MAP3K9: variants seen among roughly 807,000 people sequenced by gnomAD.
The protein encoded by MAP3K9 is mitogen-activated protein kinase kinase kinase 9, also known as mixed lineage kinase 1 (tyr and ser/thr specificity).
A neutral mutation model predicts 95.8 loss-of-function variants in MAP3K9; 46 were observed. That is an observed-to-expected ratio of 0.48 (90% CI 0.38 to 0.61). The LOEUF (loss-of-function observed/expected upper bound fraction) is 0.61, where lower values mean the gene tolerates loss of function less well. Ranked by LOEUF, MAP3K9 falls within the 20% of genes least tolerant of loss-of-function variation. MAP3K9 has a pLI of 0.00. For missense variants in MAP3K9, 1,296 were observed against 1,474.3 expected, an observed-to-expected ratio of 0.88 and a Z score of 1.98; for synonymous variants, 533 against 593.8, an observed-to-expected ratio of 0.90 and a Z score of 1.49.
At chr14:70,778,410 G>A (rs921125794) in intron 2 of MAP3K9, among the ~76,000 whole-genome samples, 2 of 151,994 alleles carry the variant, frequency 1.3e-5, no homozygotes, top group Non-Finnish European at 2.9e-5. Context: ...TGAGTAGCTG[G>A]GATTACAGGT....
chr14:70,767,383 CAAAAAAAA>C (rs67534847), intron 2 of MAP3K9, among the ~76,000 whole-genome samples: 7 of 65,332 alleles, frequency 1.1e-4, no homozygotes, highest in East Asian at 4.5e-4. Flanking sequence ...CACTCAGTCT[CAAAAAAAA>C]AAAAAAAAAA....
At chr14:70,770,103 C>T (rs775601081) in intron 2 of MAP3K9, among the ~76,000 whole-genome samples, 4 of 152,178 alleles carry the variant, frequency 2.6e-5, no homozygotes, top group Non-Finnish European at 5.9e-5. Context: ...CCTGGAAACA[C>T]AGGGCAGGTA....
intron 2 of MAP3K9, among the ~76,000 whole-genome samples, chr14:70,773,342 T>C (rs2054555057): frequency 6.6e-6 from 1 of 152,026 alleles, no homozygotes; most frequent in Admixed American, 6.6e-5. Context: ...AGAAAACAAA[T>C]TGAAAACACA....
At chr14:70,790,293 C>T (rs1233242520) in intron 2 of MAP3K9, among the ~76,000 whole-genome samples, 1 of 152,228 alleles carries the variant, frequency 6.6e-6, no homozygotes, top group Non-Finnish European at 1.5e-5. Context: ...AAGTGGGGAA[C>T]CTGAGCACAT....
rs145226088 is a variant in MAP3K9 at position 70,742,498 on chromosome 14, C to T, written c.1420G>A (p.Glu474Lys). 9 of 1,614,220 alleles carry T rather than the reference C, an allele frequency of 5.6e-6. No individual in the cohort carries two copies. Among genetic ancestry groups the T allele is most frequent in the East Asian group, 4.5e-5 (2 of 44,892 alleles). The change falls in exon 6 of 12, where the codon GAG (glutamate) becomes AAG (lysine). Residue 474 changes from glutamate (E) to lysine (K), a missense_variant. Physicochemically the swap from Glu to Lys is moderately conservative, Grantham distance 56. Coordinates refer to ENST00000554752, the MANE Select transcript of MAP3K9 (RefSeq NM_001284230.2). ...CGTTCCAGGATGTCAATCTCCCGCT[C>T]GGCCAGCTCCTGCTCCCGACGCCGC... ...LLRRREQELA[E>K]REIDILEREL... is the part of the protein sequence containing the mutation.
chr14:70,775,507 T>C (rs1309239011), intron 2 of MAP3K9, among the ~76,000 whole-genome samples: 1 of 152,208 alleles, frequency 6.6e-6, no homozygotes, highest in Non-Finnish European at 1.5e-5. Context: ...CACAACTTAC[T>C]TTTATTTGCC....
intron 2 of MAP3K9, among the ~76,000 whole-genome samples, chr14:70,776,608 G>A (rs553025537): frequency 3.9e-5 from 6 of 152,192 alleles, no homozygotes; most frequent in African/African-American, 1.4e-4. Flanking sequence ...GAATCCCTAC[G>A]ATCTTAAAGC....
At chr14:70,732,081 T>C (rs959224076) in intron 11 of MAP3K9, among the ~76,000 whole-genome samples, 7 of 152,076 alleles carry the variant, frequency 4.6e-5, no homozygotes, top group African/African-American at 1.7e-4. Flanking sequence ...GCCTTCTGAG[T>C]GTGTGTGAAC....
In MAP3K9 at chr14:70,800,672, C is replaced by T. The variant is rs1167974510; in HGVS notation, c.815G>A (p.Ser272Asn). The T allele has an allele frequency of 3.1e-6, 5 of 1,612,598 alleles. No homozygotes were observed. The highest frequency in any genetic ancestry group is 4.2e-6 in the Non-Finnish European group (5 of 1,179,352). ...VPIIHRDLKS[S>N]NILILQKVEN... ...CCCCATCTCTTCATACTCACTGTTG[C>T]TGGACTTAAGGTCGCGGTGGATGAT... is the stretch of plus-strand genomic sequence containing the variant. The change falls in exon 2 of 12, where the codon AGC becomes AAC. Residue 272 changes from serine (S) to asparagine (N), a missense_variant. Ser to Asn is a conservative substitution (Grantham distance 46). Coordinates refer to ENST00000554752, the MANE Select transcript of MAP3K9 (RefSeq NM_001284230.2).
chr14:70,779,414 T>C (rs1021344042), intron 2 of MAP3K9, among the ~76,000 whole-genome samples: 2 of 152,172 alleles, frequency 1.3e-5, no homozygotes, highest in African/African-American at 2.4e-5. Context: ...GTACTGGGGA[T>C]GGAAAGGATG....
At chr14:70,761,243 G>A in intron 2 of MAP3K9, 61 bp from the exon 3 acceptor site, 1 of 1,394,864 alleles carries the variant, frequency 7.2e-7, no homozygotes, top group East Asian at 2.5e-5. Flanking sequence ...GGAAACCACA[G>A]AACAGAACTC....
In MAP3K9 at chr14:70,782,571, A is replaced by G. The variant is rs940105521; in HGVS notation, c.820+18096T>C. Among the ~76,000 whole-genome samples the G allele has an allele frequency of 2.0e-5, 3 of 152,204 alleles. No individual in the cohort carries two copies. The East Asian group carries it at 5.8e-4, about 29-fold the overall frequency. On this transcript the variant is annotated intron_variant, in intron 2 of 11. Coordinates refer to ENST00000554752, the MANE Select transcript of MAP3K9 (RefSeq NM_001284230.2). The stretch of plus-strand genomic sequence containing the variant: ...AACCACAAGTCCTTAATAGCCCTGG[A>G]AAGCTATGAAACACCAATTAAAGTT...
rs746834601 is a variant in MAP3K9 at position 70,742,603 on chromosome 14, G to A, written c.1327-12C>T. On this transcript the variant is annotated splice_polypyrimidine_tract_variant and intron_variant, in intron 5 of 11. Transcript: ENST00000554752. ...CAGGTGCGAAGTTCCTGCAGGATGG[G>A]CAGAACCATCAGAGAAAAGACTGGG... The A allele has an allele frequency of 3.0e-5, 49 of 1,612,518 alleles. 1 individual carries two copies. The South Asian group carries it at 5.2e-4, about 17-fold the overall frequency.
At chr14:70,797,674 G>T in intron 2 of MAP3K9, among the ~76,000 whole-genome samples, 1 of 152,058 alleles carries the variant, frequency 6.6e-6, no homozygotes, top group East Asian at 1.9e-4. Context: ...GGAGGCGGCG[G>T]TTGCAAAGAT....
intron 3 of MAP3K9, among the ~76,000 whole-genome samples, chr14:70,751,059 C>CTCTA (rs1160880): frequency 0.89 from 135,451 of 151,898 alleles, 60,456 homozygotes; most frequent in Middle Eastern, 0.94. Context: ...TAACGGAGAT[C>CTCTA]TCTAATTCAA....
intron 1 of MAP3K9, among the ~76,000 whole-genome samples, chr14:70,807,415 G>A (rs113703242): frequency 7.7e-4 from 117 of 152,152 alleles, no homozygotes; most frequent in African/African-American, 2.6e-3. Context: ...GCTTGAACCC[G>A]GGAGGCAGAG....
intron 4 of MAP3K9, 148 bp from the exon 5 acceptor site, chr14:70,749,152 G>A: frequency 1.4e-6 from 1 of 711,774 alleles, no homozygotes; most frequent in Non-Finnish European, 2.3e-6. Context: ...CTCAAATAAG[G>A]CTCAGGAAGT....
At chr14:70,762,730 A>G (rs148382855) in intron 2 of MAP3K9, among the ~76,000 whole-genome samples, 2,053 of 152,316 alleles carry the variant, frequency 0.013, 106 homozygotes, top group Admixed American at 0.11. Flanking sequence ...TTGATACACC[A>G]AAGTTTTTAA....
intron 10 of MAP3K9, 23 bp downstream of exon 10, chr14:70,734,363 C>A (rs1390874138): frequency 6.5e-7 from 1 of 1,546,902 alleles, no homozygotes; most frequent in Admixed American, 1.7e-5. Context: ...ACAGCCAAGA[C>A]TCTCAAGAGG....
Sources: allele counts gnomAD v4.1 joint callset (sites outside exome capture counted in the v4.1 genomes callset), GRCh38; gene constraint gnomAD v4.1.1; transcripts MANE v1.5; gene names NCBI Gene and HGNC (gene_info 2026-07-23, HGNC 2026-07-21).